Variants in PTK2 observed in about 807,000 individuals in gnomAD.
PTK2 encodes the protein focal adhesion kinase 1.
PTK2 carries 45 observed loss-of-function variants against 150.1 expected under a neutral mutation model. The ratio of observed to expected loss-of-function variants is 0.30; its 90% CI spans 0.24 to 0.38. The LOEUF is 0.38. PTK2 is among the 10% of genes least tolerant of loss of function. PTK2 has a pLI of 1.00. For synonymous variants in PTK2, 432 were observed against 449.2 expected, an observed-to-expected ratio of 0.96 and a Z score of 0.48; for missense variants, 919 against 1,307.3, an observed-to-expected ratio of 0.70 and a Z score of 4.58.
At chr8:141,000,458 T>C (rs1199021204) in intron 1 of PTK2, among the ~76,000 whole-genome samples, 1 of 152,088 alleles carries the variant, frequency 6.6e-6, no homozygotes, top group Non-Finnish European at 1.5e-5. Context: ...CGAGCCTCCC[T>C]CTCGCGTCCG....
chr8:140,732,462 A>G, intron 22 of PTK2: 1 of 468,438 alleles, frequency 2.1e-6, no homozygotes, highest in South Asian at 1.7e-5. Context: ...ATTCCTTAGT[A>G]TTAAGAATCA....
intron 4 of PTK2, among the ~76,000 whole-genome samples, chr8:140,870,473 A>T (rs1256736003): frequency 6.6e-6 from 1 of 152,232 alleles, no homozygotes; most frequent in African/African-American, 2.4e-5. Flanking sequence ...AGAAATAATA[A>T]AATATAACCC....
chr8:140,721,673 CCTTT>C (rs1369751289), intron 22 of PTK2: 2 of 152,256 alleles, frequency 1.3e-5, no homozygotes, highest in East Asian at 3.9e-4. Context: ...ACACCTTCTT[CCTTT>C]ATGTCCTGGC....
chr8:140,884,702 A>AT lies in PTK2; in HGVS notation c.196-5066dup, dbSNP rs201295026. Among the ~76,000 whole-genome samples the AT allele has an allele frequency of 6.2e-3, 949 of 152,248 alleles. 15 individuals carry two copies. Among genetic ancestry groups the AT allele is most frequent in the African/African-American group, 0.021 (874 of 41,552 alleles). The stretch of plus-strand genomic sequence containing the variant: ...CCTACAGATACCAGTTGTTTATAGC[A>AT]TAGTTTGTTCTTGCAGAATCCCAAA... On this transcript the variant is annotated intron_variant, in intron 3 of 31. Coordinates refer to ENST00000522684, the Ensembl canonical transcript of PTK2.
At chr8:140,850,180 C>A (rs112423180) in intron 5 of PTK2, among the ~76,000 whole-genome samples, 2 of 152,162 alleles carry the variant, frequency 1.3e-5, no homozygotes, top group Non-Finnish European at 2.9e-5. Flanking sequence ...AATCCCAGCA[C>A]TTTGGGAGGC....
intron 12 of PTK2, among the ~76,000 whole-genome samples, chr8:140,793,651 G>A (rs896810309): frequency 6.6e-6 from 1 of 152,188 alleles, no homozygotes; most frequent in Non-Finnish European, 1.5e-5. Flanking sequence ...GAAAGACTTC[G>A]TTTGCAGGAG....
At chr8:140,723,730 A>G (rs550558842) in intron 22 of PTK2, among the ~76,000 whole-genome samples, 1 of 152,350 alleles carries the variant, frequency 6.6e-6, no homozygotes, top group East Asian at 1.9e-4. Flanking sequence ...TTGCAAATAG[A>G]TGGAACAATG....
intron 27 of PTK2, among the ~76,000 whole-genome samples, chr8:140,680,078 T>C (rs1417363699): frequency 1.3e-5 from 2 of 152,216 alleles, no homozygotes; most frequent in Non-Finnish European, 2.9e-5. Context: ...ATGACGACAG[T>C]ACCCGATGTG....
chr8:140,785,598 A>G (rs1171027815), intron 14 of PTK2, among the ~76,000 whole-genome samples: 1 of 152,204 alleles, frequency 6.6e-6, no homozygotes, highest in Non-Finnish European at 1.5e-5. Context: ...TGGGAGAGCC[A>G]GACAAATCCC....
intron 23 of PTK2, among the ~76,000 whole-genome samples, chr8:140,709,183 A>G (rs2100035439): frequency 2.6e-5 from 4 of 152,184 alleles, no homozygotes; most frequent in Admixed American, 2.0e-4. Flanking sequence ...CCATGATGCT[A>G]TTCTATGACA....
intron 2 of PTK2, chr8:140,920,787 C>T (rs996431589): frequency 5.5e-6 from 8 of 1,447,950 alleles, no homozygotes; most frequent in Admixed American, 3.0e-5. Context: ...TCAAATAAAA[C>T]GGAACATATT....
intron 2 of PTK2, among the ~76,000 whole-genome samples, chr8:140,905,372 C>G (rs374554941): frequency 4.7e-4 from 72 of 151,958 alleles, no homozygotes; most frequent in African/African-American, 1.7e-3. Context: ...GCAGAGGTTG[C>G]AATCCTAGTC....
chr8:140,974,976 CACTT>C (rs2100188742), intron 1 of PTK2, among the ~76,000 whole-genome samples: 1 of 152,338 alleles, frequency 6.6e-6, no homozygotes, highest in South Asian at 2.1e-4. Context: ...CTTGCCATTT[CACTT>C]ACTTAGTCAC....
At chr8:140,869,874 TA>T (rs572534380) in intron 4 of PTK2, among the ~76,000 whole-genome samples, 59 of 142,688 alleles carry the variant, frequency 4.1e-4, no homozygotes, top group South Asian at 8.9e-4. Flanking sequence ...ACAGAATTAC[TA>T]AAAAAAAAAA....
At chr8:140,805,619 A>T (rs1395775848) in intron 10 of PTK2, among the ~76,000 whole-genome samples, 1 of 151,220 alleles carries the variant, frequency 6.6e-6, no homozygotes, top group Non-Finnish European at 1.5e-5. Context: ...AAAAAAAGGC[A>T]TTCTCACTGA....
exon 30 of PTK2, chr8:140,668,399 G>C (rs878943668): frequency 1.9e-6 from 3 of 1,612,808 alleles, no homozygotes; most frequent in African/African-American, 1.3e-5. Flanking sequence ...GGCAGTAGGA[G>C]GGGGGCTGAT....
At chr8:140,896,056 A>G (rs2100156094) in intron 2 of PTK2, among the ~76,000 whole-genome samples, 1 of 152,206 alleles carries the variant, frequency 6.6e-6, no homozygotes, top group African/African-American at 2.4e-5. Context: ...AATGAGTAAT[A>G]CAATAAGGGA....
At chr8:140,830,935 A>C (rs1362748555) in intron 7 of PTK2, among the ~76,000 whole-genome samples, 1 of 152,148 alleles carries the variant, frequency 6.6e-6, no homozygotes, top group Non-Finnish European at 1.5e-5. Context: ...TGATTAGTAA[A>C]TGATTCAGGA....
Position 140,940,448 on chromosome 8 carries a change from C to CA in PTK2, c.-121-14700dup, listed in dbSNP as rs59952163. The CA allele has an allele frequency of 5.1e-3, 734 of 144,240 alleles. 10 individuals carry two copies. The highest frequency in any genetic ancestry group is 0.016 in the African/African-American group (607 of 38,886). The allele number at this position is 144,240 out of a possible 1,614,324, so 8.9% of individuals were successfully genotyped here. A position where few individuals can be genotyped will look rare whatever the true frequency, so the allele number is the denominator to read the frequency against. On this transcript the variant is annotated intron_variant, in intron 1 of 31. Transcript: ENST00000522684. ...TGGGTGACAAAGCGAGACTCTGTCT[C>CA]AAAAAAAAAAGACTAAAGAGTCATG...
Sources: allele counts gnomAD v4.1 joint callset (sites outside exome capture counted in the v4.1 genomes callset), GRCh38; gene constraint gnomAD v4.1.1; transcripts MANE v1.5; gene names NCBI Gene and HGNC (gene_info 2026-07-23, HGNC 2026-07-21).